TTC23: variants seen among roughly 807,000 people sequenced by gnomAD.
TTC23 encodes tetratricopeptide repeat protein 23.
A neutral mutation model predicts 55.1 loss-of-function variants in TTC23; 58 were observed. The ratio of observed to expected loss-of-function variants is 1.05; its 90% CI spans 0.85 to 1.31. The LOEUF is 1.31. Ranked by LOEUF, TTC23 falls within the 50% of genes most tolerant of loss-of-function variation. TTC23 has a pLI of 0.00. For synonymous variants in TTC23, 203 were observed against 199.9 expected, an observed-to-expected ratio of 1.02 and a Z score of -0.13; for missense variants, 516 against 534.4, an observed-to-expected ratio of 0.97 and a Z score of 0.34.
At chr15:99,228,365 G>C in intron 5 of TTC23, 168 bp downstream of exon 5, 1 of 518,992 alleles carries the variant, frequency 1.9e-6, no homozygotes, top group Non-Finnish European at 3.2e-6. Flanking sequence ...TGTGCTTGGA[G>C]CCTAGAGGTA....
chr15:99,201,499 C>T (rs2076196993), intron 8 of TTC23, among the ~76,000 whole-genome samples: 1 of 152,150 alleles, frequency 6.6e-6, no homozygotes, highest in Non-Finnish European at 1.5e-5. Context: ...TTCACCTCAA[C>T]CACTGGGTAT....
chr15:99,237,182 A>G (rs1738883275), intron 3 of TTC23, among the ~76,000 whole-genome samples: 1 of 151,764 alleles, frequency 6.6e-6, no homozygotes, highest in Non-Finnish European at 1.5e-5. Flanking sequence ...GGGTTTCACC[A>G]TGTTGGCCAG....
At chr15:99,140,005 C>A in intron 12 of TTC23, 2 of 230,504 alleles carry the variant, frequency 8.7e-6, no homozygotes, top group Non-Finnish European at 1.8e-5. Context: ...CCCAAAATGG[C>A]CAAAATAATT....
At chr15:99,234,246 G>A (rs1303400772) in intron 4 of TTC23, among the ~76,000 whole-genome samples, 1 of 152,130 alleles carries the variant, frequency 6.6e-6, no homozygotes, top group Non-Finnish European at 1.5e-5. Flanking sequence ...GAGGCTGGGA[G>A]AAAATATTTT....
At chr15:99,235,113 T>C (rs1446202369) in intron 3 of TTC23, 33 bp from the exon 4 acceptor site, 1 of 152,340 alleles carries the variant, frequency 6.6e-6, no homozygotes. Context: ...CCAGGTGCAG[T>C]GGCATGTGCC....
intron 4 of TTC23, among the ~76,000 whole-genome samples, chr15:99,232,838 A>C (rs962315195): frequency 6.6e-5 from 10 of 152,214 alleles, no homozygotes; most frequent in Admixed American, 5.9e-4. Context: ...CCTGCACTCC[A>C]TGTTCATTGC....
intron 9 of TTC23, among the ~76,000 whole-genome samples, chr15:99,195,355 C>A (rs1036593075): frequency 6.6e-6 from 1 of 152,142 alleles, no homozygotes; most frequent in African/African-American, 2.4e-5. Context: ...CAGGGAAATA[C>A]AATTTAAAAG....
chr15:99,161,471 C>G (rs1456004340), intron 11 of TTC23, among the ~76,000 whole-genome samples: 1 of 152,190 alleles, frequency 6.6e-6, no homozygotes, highest in Non-Finnish European at 1.5e-5. Flanking sequence ...ATCTGCAGGA[C>G]TTCAATAAGC....
chr15:99,145,526 A>G (rs1240320216), intron 12 of TTC23, among the ~76,000 whole-genome samples: 2 of 151,670 alleles, frequency 1.3e-5, no homozygotes, highest in Non-Finnish European at 2.9e-5. Flanking sequence ...CGGCAGGTGA[A>G]AAACAAACAG....
intron 12 of TTC23, among the ~76,000 whole-genome samples, chr15:99,151,763 A>C (rs184570329): frequency 2.0e-5 from 3 of 152,342 alleles, no homozygotes; most frequent in Admixed American, 1.3e-4. Context: ...CTTGTTCAAA[A>C]ACAAGTCTTG....
At chr15:99,239,307 A>T (rs1253782346) in intron 3 of TTC23, among the ~76,000 whole-genome samples, 4 of 152,146 alleles carry the variant, frequency 2.6e-5, no homozygotes, top group Non-Finnish European at 4.4e-5. Flanking sequence ...CAACACAGTG[A>T]AAACCCATCT....
intron 6 of TTC23, among the ~76,000 whole-genome samples, chr15:99,219,831 T>C (rs189357406): frequency 3.0e-4 from 45 of 152,310 alleles, no homozygotes; most frequent in African/African-American, 1.1e-3. Context: ...ATGTTCTTAG[T>C]TACACAAAAT....
In TTC23 at chr15:99,249,573, G is replaced by A. The variant is rs1053550220; in HGVS notation, c.-833C>T. The A allele has an allele frequency of 3.9e-5, 6 of 152,284 alleles. No individual in the cohort carries two copies. The highest frequency in any genetic ancestry group is 7.3e-5 in the Non-Finnish European group (5 of 68,052). 9.4% of individuals were successfully genotyped at this position (152,284 alleles called of 1,614,324 possible). On this transcript the variant is annotated 5_prime_UTR_variant, in exon 1 of 14. Coordinates refer to ENST00000394132, the MANE Select transcript of TTC23 (RefSeq NM_001288615.3). ...AGCAGCCTTTTCCCATAAAGCAAGC[G>A]GGTACCTCACAAAACTCCAGGCAAA...
intron 12 of TTC23, among the ~76,000 whole-genome samples, chr15:99,148,326 A>G (rs1428827474): frequency 8.0e-6 from 1 of 124,500 alleles, no homozygotes; most frequent in Non-Finnish European, 1.6e-5. Context: ...GCGACACTGC[A>G]CTCCAGCCTG....
At chr15:99,245,850 G>A (rs564478603) in intron 1 of TTC23, among the ~76,000 whole-genome samples, 4 of 140,474 alleles carry the variant, frequency 2.8e-5, no homozygotes, top group East Asian at 4.1e-4. Flanking sequence ...ACAGACTCTC[G>A]CTGGAGTGCA....
chr15:99,249,844 G>C (rs2080572228), upstream of TTC23: 1 of 152,106 alleles, frequency 6.6e-6, no homozygotes, highest in African/African-American at 2.4e-5. Context: ...TACAAATTGT[G>C]AGAACTTCAA....
intron 4 of TTC23, among the ~76,000 whole-genome samples, chr15:99,230,936 G>A (rs1596956620): frequency 6.6e-6 from 1 of 152,208 alleles, no homozygotes; most frequent in Non-Finnish European, 1.5e-5. Flanking sequence ...ATGGGCAAAT[G>A]TGTAAGGCTG....
chr15:99,238,937 G>A lies in TTC23; in HGVS notation c.-114+2428C>T, dbSNP rs180929628. ...TTCTTGAGCACCTATTAAATCTTAT[G>A]GAAATAGCACTTTAAAAACATTGTT... is the stretch of plus-strand genomic sequence containing the variant. On this transcript the variant is annotated intron_variant, in intron 3 of 13. Coordinates refer to ENST00000394132, the MANE Select transcript of TTC23 (RefSeq NM_001288615.3). Among the ~76,000 whole-genome samples the A allele has an allele frequency of 3.3e-5, 5 of 152,126 alleles. No homozygotes were observed. In the East Asian group the frequency reaches 7.7e-4, roughly 23 times the overall value.
intron 13 of TTC23, among the ~76,000 whole-genome samples, chr15:99,138,338 G>T (rs782072923): frequency 5.3e-5 from 8 of 151,106 alleles, no homozygotes; most frequent in Non-Finnish European, 1.2e-4. Context: ...TTTTCAGACA[G>T]AGTCTCACTC....
Sources: allele counts gnomAD v4.1 joint callset (sites outside exome capture counted in the v4.1 genomes callset), GRCh38; gene constraint gnomAD v4.1.1; transcripts MANE v1.5; gene names NCBI Gene and HGNC (gene_info 2026-07-23, HGNC 2026-07-21).